Variants in FAM110B observed in about 807,000 individuals in gnomAD.
FAM110B encodes the protein family with sequence similarity 110 member B.
In FAM110B, 6 loss-of-function variants were observed where a neutral mutation model predicts 20.4. The ratio of observed to expected loss-of-function variants is 0.29; its 90% confidence interval spans 0.16 to 0.58. The LOEUF (loss-of-function observed/expected upper bound fraction) is 0.58, where lower values mean the gene tolerates loss of function less well. FAM110B is among the 20% of genes least tolerant of loss of function. The pLI, the probability that FAM110B is intolerant of heterozygous loss-of-function variation, is 0.90. For synonymous variants in FAM110B, 226 were observed against 214.1 expected (o/e 1.06, Z -0.49); for missense variants, 434 against 498.2 (o/e 0.87, Z 1.23).
chr8:58,017,476 G>C (rs931000975), intron 1 of FAM110B, among the ~76,000 whole-genome samples: 17 of 152,144 alleles, frequency 1.1e-4, no homozygotes, highest in African/African-American at 4.1e-4. Context: ...AGGGCCTCAG[G>C]TACTCTTTAC....
At chr8:58,050,006 T>C (rs1316081533) in intron 2 of FAM110B, among the ~76,000 whole-genome samples, 1 of 152,198 alleles carries the variant, frequency 6.6e-6, no homozygotes, top group Non-Finnish European at 1.5e-5. Context: ...TAAATTATAT[T>C]GTTGATATTC....
At chr8:58,016,568 A>G (rs1169517762) in intron 1 of FAM110B, among the ~76,000 whole-genome samples, 1 of 152,198 alleles carries the variant, frequency 6.6e-6, no homozygotes, top group African/African-American at 2.4e-5. Flanking sequence ...GTTGCAGGTC[A>G]AATTTTTGGC....
intron 1 of FAM110B, among the ~76,000 whole-genome samples, chr8:58,028,571 A>T (rs574092208): frequency 6.6e-6 from 1 of 152,144 alleles, no homozygotes; most frequent in Non-Finnish European, 1.5e-5. Flanking sequence ...TGGAATGGAC[A>T]TCTTGTCCTT....
chr8:58,101,443 TC>T (rs1806777761), intron 3 of FAM110B, among the ~76,000 whole-genome samples: 1 of 152,244 alleles, frequency 6.6e-6, no homozygotes, highest in Non-Finnish European at 1.5e-5. Context: ...AATAAATTAA[TC>T]GTTTTTAAAC....
intron 2 of FAM110B, among the ~76,000 whole-genome samples, chr8:58,046,588 T>G (rs746383706): frequency 1.3e-5 from 2 of 152,230 alleles, no homozygotes; most frequent in Non-Finnish European, 2.9e-5. Context: ...CTTAGTTAGA[T>G]GTACATAGGT....
chr8:58,141,889 C>T (rs1188855127), intron 3 of FAM110B, among the ~76,000 whole-genome samples: 1 of 152,162 alleles, frequency 6.6e-6, no homozygotes, highest in Non-Finnish European at 1.5e-5. Flanking sequence ...GCACAAATTG[C>T]CCGGATTACA....
At chr8:58,096,269 G>A (rs953505979) in intron 3 of FAM110B, among the ~76,000 whole-genome samples, 17 of 151,982 alleles carry the variant, frequency 1.1e-4, no homozygotes, top group East Asian at 3.9e-4. Context: ...TCCACCTTCC[G>A]GTTTCAAGCA....
intron 3 of FAM110B, among the ~76,000 whole-genome samples, chr8:58,118,041 G>A (rs1807260670): frequency 6.6e-6 from 1 of 152,182 alleles, no homozygotes; most frequent in South Asian, 2.1e-4. Flanking sequence ...ATCTTTGGAT[G>A]TGAAAAAGAT....
At chr8:58,092,199 G>A (rs1157366464) in intron 3 of FAM110B, among the ~76,000 whole-genome samples, 1 of 151,838 alleles carries the variant, frequency 6.6e-6, no homozygotes, top group Non-Finnish European at 1.5e-5. Flanking sequence ...TATTATTTTT[G>A]TCTTTTAAAT....
chr8:58,122,205 G>T (rs527416360), intron 3 of FAM110B, among the ~76,000 whole-genome samples: 1 of 151,996 alleles, frequency 6.6e-6, no homozygotes, highest in Admixed American at 6.6e-5. Flanking sequence ...GCACCATTTT[G>T]GTTCCTGAAT....
rs1803855446 is a variant in FAM110B, at chr8:58,146,064, G to A, written c.-167G>A. ...AGAAAAGTGTATGAAAGCCACCGTGGCGGTTAATGAGCTGTGAGATGAGGC... is the reference window on the plus strand; with the variant it reads ...AGAAAAGTGTATGAAAGCCACCGTGACGGTTAATGAGCTGTGAGATGAGGC... On this transcript the variant is annotated 5_prime_UTR_variant, in exon 4 of 4. Transcript: ENST00000519262. 2 of 719,976 alleles carry A rather than the reference G, an allele frequency of 2.8e-6. No homozygotes were observed. Among genetic ancestry groups the A allele is most frequent in the Non-Finnish European group, 4.4e-6 (2 of 451,800 alleles). 44.6% of individuals were successfully genotyped at this position (719,976 alleles called of 1,614,324 possible).
At chr8:58,023,383 C>T (rs74485057) in intron 1 of FAM110B, among the ~76,000 whole-genome samples, 3,513 of 152,180 alleles carry the variant, frequency 0.023, 150 homozygotes, top group African/African-American at 0.081. Flanking sequence ...AACTGAGCAG[C>T]TACAAAATAC....
chr8:58,111,016 A>G (rs1442594355), intron 3 of FAM110B, among the ~76,000 whole-genome samples: 1 of 152,212 alleles, frequency 6.6e-6, no homozygotes, highest in Non-Finnish European at 1.5e-5. Context: ...TGTGAAACTG[A>G]CTTGATTGAA....
At chr8:58,023,589 A>G (rs1804798447) in intron 1 of FAM110B, among the ~76,000 whole-genome samples, 1 of 152,200 alleles carries the variant, frequency 6.6e-6, no homozygotes, top group South Asian at 2.1e-4. Context: ...CCCACAGAAC[A>G]TATCAGAGTT....
At chr8:58,112,016 A>G (rs1205771598) in intron 3 of FAM110B, among the ~76,000 whole-genome samples, 1 of 152,206 alleles carries the variant, frequency 6.6e-6, no homozygotes, top group African/African-American at 2.4e-5. Context: ...AATTATAACA[A>G]TATTAAAGTT....
intron 2 of FAM110B, among the ~76,000 whole-genome samples, chr8:58,045,602 C>A (rs917463079): frequency 1.3e-5 from 2 of 152,122 alleles, no homozygotes; most frequent in African/African-American, 4.8e-5. Context: ...CAGGTTTCAT[C>A]TGACAGACAT....
chr8:58,006,910 T>TATATATATATATATATATATAC (rs1804417132), intron 1 of FAM110B, among the ~76,000 whole-genome samples: 1 of 100,294 alleles, frequency 1.0e-5, no homozygotes, highest in Non-Finnish European at 2.1e-5. Flanking sequence ...GGTATATATA[T>TATATATATATATATATATATAC]ATATATATAT....
intron 2 of FAM110B, among the ~76,000 whole-genome samples, chr8:58,037,297 A>T (rs1186620909): frequency 6.8e-6 from 1 of 146,700 alleles, no homozygotes; most frequent in Non-Finnish European, 1.5e-5. Flanking sequence ...TCTAAAAGGA[A>T]GTTTTTTTGG....
intron 3 of FAM110B, among the ~76,000 whole-genome samples, chr8:58,107,826 C>A (rs1239438836): frequency 6.6e-6 from 1 of 152,182 alleles, no homozygotes; most frequent in Non-Finnish European, 1.5e-5. Flanking sequence ...CTCATTCTGA[C>A]AGCATGCTTG....
Sources: allele counts gnomAD v4.1 joint callset (sites outside exome capture counted in the v4.1 genomes callset), GRCh38; gene constraint gnomAD v4.1.1; transcripts MANE v1.5; gene names NCBI Gene and HGNC (gene_info 2026-07-23, HGNC 2026-07-21).